SGMS1: variants seen among roughly 807,000 people sequenced by gnomAD.
SGMS1 encodes the protein sphingomyelin synthase 1.
SGMS1 carries 13 observed loss-of-function variants against 46.2 expected under a neutral mutation model. The ratio of observed to expected loss-of-function variants is 0.28; its 90% CI spans 0.18 to 0.45. The LOEUF is 0.45. Among genes scored for constraint, SGMS1 ranks in the 20% least tolerant of loss-of-function variants. The pLI is 1.00. For missense variants in SGMS1, 324 were observed against 519.9 expected (o/e 0.62, Z 3.66); for synonymous variants, 203 against 187.8 (o/e 1.08, Z -0.66).
intron 3 of SGMS1, among the ~76,000 whole-genome samples, chr10:50,512,032 T>TATG (rs1477683318): frequency 6.6e-6 from 1 of 152,074 alleles, no homozygotes; most frequent in Non-Finnish European, 1.5e-5. Flanking sequence ...ACATACAAGG[T>TATG]ATGATTTCAG....
At chr10:50,584,996 A>C (rs1400193229) in intron 2 of SGMS1, among the ~76,000 whole-genome samples, 1 of 152,200 alleles carries the variant, frequency 6.6e-6, no homozygotes, top group East Asian at 1.9e-4. Flanking sequence ...GTCCACCCAT[A>C]ATATATATAC....
intron 2 of SGMS1, among the ~76,000 whole-genome samples, chr10:50,551,783 T>G (rs537656695): frequency 6.6e-6 from 1 of 152,136 alleles, no homozygotes; most frequent in African/African-American, 2.4e-5. Flanking sequence ...TGCTGTTCCC[T>G]TCCCTCCCAT....
chr10:50,604,536 C>A (rs1200625831), intron 1 of SGMS1, among the ~76,000 whole-genome samples: 4 of 152,160 alleles, frequency 2.6e-5, no homozygotes, highest in Admixed American at 6.5e-5. Context: ...CCGCAATTAT[C>A]TTTTTTCCCA....
chr10:50,534,780 A>G (rs1315629837), intron 2 of SGMS1, among the ~76,000 whole-genome samples: 2 of 152,248 alleles, frequency 1.3e-5, no homozygotes, highest in African/African-American at 2.4e-5. Context: ...ATATACACAT[A>G]GAAAAAGAAT....
At chr10:50,385,477 A>G (rs971074429) in intron 6 of SGMS1, among the ~76,000 whole-genome samples, 2 of 152,212 alleles carry the variant, frequency 1.3e-5, no homozygotes, top group African/African-American at 4.8e-5. Context: ...AGCTACCTGA[A>G]AAGTTACAAA....
intron 2 of SGMS1, among the ~76,000 whole-genome samples, chr10:50,563,406 A>C (rs1838259090): frequency 1.3e-5 from 2 of 152,182 alleles, no homozygotes; most frequent in African/African-American, 4.8e-5. Context: ...AACTTCTATA[A>C]AACACAATGA....
At chr10:50,325,462 T>C (rs1025382456) in intron 8 of SGMS1, among the ~76,000 whole-genome samples, 2 of 152,256 alleles carry the variant, frequency 1.3e-5, no homozygotes, top group African/African-American at 4.8e-5. Context: ...TTGGGATTTC[T>C]GGCAACACAA....
At chr10:50,373,545 G>A (rs1270578009) in intron 6 of SGMS1, among the ~76,000 whole-genome samples, 4 of 152,160 alleles carry the variant, frequency 2.6e-5, no homozygotes, top group Admixed American at 1.3e-4. Context: ...ATGATCTAAA[G>A]ATGTAAACTG....
chr10:50,364,144 GAGAGA>G (rs1848296976), intron 6 of SGMS1, among the ~76,000 whole-genome samples: 1 of 151,830 alleles, frequency 6.6e-6, no homozygotes, highest in African/African-American at 2.4e-5. Context: ...ATGGAAAATT[GAGAGA>G]AGAGAATAAT....
At position 50,339,917 on chromosome 10, in the gene SGMS1, A is replaced by T. The variant is rs151046563; in HGVS notation, c.623+3575T>A. On this transcript the variant is annotated intron_variant, in intron 7 of 10. Transcript: ENST00000361781. ...CAGATGCTGAGGGCCCTTGAGCTTCAGGCTAAGGAGCTGGTTCTCCATCTG... is the reference window on the plus strand; with the variant it reads ...CAGATGCTGAGGGCCCTTGAGCTTCTGGCTAAGGAGCTGGTTCTCCATCTG... Among the ~76,000 whole-genome samples the T allele has an allele frequency of 4.9e-3, 742 of 152,300 alleles. 6 individuals are homozygous for T. Among genetic ancestry groups the T allele is most frequent in the African/African-American group, 0.017 (712 of 41,550 alleles).
intron 4 of SGMS1, among the ~76,000 whole-genome samples, chr10:50,462,112 A>C (rs1298223518): frequency 2.6e-5 from 4 of 152,218 alleles, no homozygotes; most frequent in Non-Finnish European, 5.9e-5. Context: ...AAGAAAAAAA[A>C]ATAACAATGC....
chr10:50,312,466 T>A (rs904639702), intron 8 of SGMS1, among the ~76,000 whole-genome samples: 1 of 151,970 alleles, frequency 6.6e-6, no homozygotes, highest in Non-Finnish European at 1.5e-5. Flanking sequence ...AGACTCAGCA[T>A]CATGGGATTT....
intron 3 of SGMS1, among the ~76,000 whole-genome samples, chr10:50,474,760 A>G (rs2133706747): frequency 6.6e-6 from 1 of 152,300 alleles, no homozygotes; most frequent in South Asian, 2.1e-4. Context: ...AAACAAAACA[A>G]AACAAAAACT....
In SGMS1 at chr10:50,340,902, A is replaced by AT. The variant is rs535085225; in HGVS notation, c.623+2589dup. Among the ~76,000 whole-genome samples the AT allele has an allele frequency of 2.9e-3, 449 of 152,274 alleles. 3 individuals are homozygous for AT. The highest frequency in any genetic ancestry group is 0.01 in the African/African-American group (433 of 41,540). On this transcript the variant is annotated intron_variant, in intron 7 of 10. Transcript: ENST00000361781. ...AAACTGAAATAAGAAGGATAGACTG[A>AT]TTTTTTAAGGGATCCAGGACTTTTA...
chr10:50,551,841 C>T (rs956283787), intron 2 of SGMS1, among the ~76,000 whole-genome samples: 11 of 152,134 alleles, frequency 7.2e-5, no homozygotes, highest in African/African-American at 2.7e-4. Flanking sequence ...CCATCCTCCA[C>T]ACAGCTGCTG....
intron 6 of SGMS1, among the ~76,000 whole-genome samples, chr10:50,375,305 G>C (rs1848507179): frequency 2.0e-5 from 3 of 152,206 alleles, no homozygotes; most frequent in Admixed American, 6.5e-5. Flanking sequence ...GTGCTTGTTA[G>C]TCTAGTCACA....
chr10:50,578,243 C>G (rs986382304), intron 2 of SGMS1, among the ~76,000 whole-genome samples: 1 of 152,214 alleles, frequency 6.6e-6, no homozygotes, highest in Admixed American at 6.5e-5. Flanking sequence ...ACCACAAATA[C>G]AGCCCCGCTC....
chr10:50,540,956 T>C (rs1419660387), intron 2 of SGMS1, among the ~76,000 whole-genome samples: 1 of 152,064 alleles, frequency 6.6e-6, no homozygotes, highest in Non-Finnish European at 1.5e-5. Context: ...GGATTTGAGA[T>C]ACTTTTTGGA....
intron 3 of SGMS1, among the ~76,000 whole-genome samples, chr10:50,477,835 G>A (rs552465888): frequency 2.0e-5 from 3 of 152,084 alleles, no homozygotes; most frequent in African/African-American, 4.8e-5. Flanking sequence ...CTTCTGCCAC[G>A]ATTGTAAGTT....
Sources: gnomAD v4.1 joint callset for allele counts (sites outside exome capture counted in the v4.1 genomes callset) on GRCh38, gnomAD v4.1.1 for gene constraint, MANE v1.5 for transcripts, NCBI Gene and HGNC (gene_info 2026-07-23, HGNC 2026-07-21) for gene names.